UVRAG: variants seen among roughly 807,000 people sequenced by gnomAD.
UVRAG encodes UV radiation resistance associated.
UVRAG carries 19 observed loss-of-function variants against 78.0 expected under a neutral mutation model. The ratio of observed to expected loss-of-function variants is 0.24; its 90% confidence interval spans 0.17 to 0.36. UVRAG has a LOEUF of 0.36. UVRAG is among the 10% of genes least tolerant of loss of function. The pLI is 1.00. For synonymous variants in UVRAG, 323 were observed against 324.6 expected (o/e 1.00, Z 0.05); for missense variants, 740 against 853.8 (o/e 0.87, Z 1.66).
At chr11:75,995,493 G>T (rs1591108850) in intron 8 of UVRAG, among the ~76,000 whole-genome samples, 8 of 119,678 alleles carry the variant, frequency 6.7e-5, no homozygotes, top group Admixed American at 8.2e-5. Context: ...GTTTCTTATT[G>T]TCATTTTGAA....
chr11:76,132,531 T>G (rs1479759797), intron 14 of UVRAG, among the ~76,000 whole-genome samples: 1 of 152,102 alleles, frequency 6.6e-6, no homozygotes, highest in East Asian at 1.9e-4. Flanking sequence ...CAAGTACAAG[T>G]GAATCTGAAA....
intron 14 of UVRAG, among the ~76,000 whole-genome samples, chr11:76,136,922 TAAC>T (rs1952607327): frequency 6.6e-6 from 1 of 152,240 alleles, no homozygotes; most frequent in African/African-American, 2.4e-5. Context: ...TTTATATAGT[TAAC>T]ATAGTTTTAG....
At chr11:75,842,006 C>A (rs542259642) in intron 1 of UVRAG, among the ~76,000 whole-genome samples, 10 of 152,328 alleles carry the variant, frequency 6.6e-5, no homozygotes, top group Admixed American at 3.9e-4. Context: ...TGGTCACTTA[C>A]ATGTCTGGCT....
At chr11:76,019,866 C>G (rs1195199583) in intron 12 of UVRAG, among the ~76,000 whole-genome samples, 1 of 152,126 alleles carries the variant, frequency 6.6e-6, no homozygotes. Context: ...CCCTGTGGCT[C>G]TACAATTAGC....
chr11:76,020,484 A>G (rs1052811672), intron 12 of UVRAG, among the ~76,000 whole-genome samples: 1 of 151,902 alleles, frequency 6.6e-6, no homozygotes, highest in African/African-American at 2.4e-5. Context: ...CTTTTAAGGC[A>G]ACACATTCCC....
At chr11:75,900,599 C>T (rs553347180) in intron 5 of UVRAG, among the ~76,000 whole-genome samples, 1 of 152,172 alleles carries the variant, frequency 6.6e-6, no homozygotes, top group African/African-American at 2.4e-5. Flanking sequence ...ACTAGGATCA[C>T]GTTGTTCCCA....
intron 1 of UVRAG, among the ~76,000 whole-genome samples, chr11:75,840,149 A>T (rs1945879396): frequency 6.6e-6 from 1 of 151,456 alleles, no homozygotes; most frequent in South Asian, 2.1e-4. Flanking sequence ...CTTTTTTTTT[A>T]AATTTTGATC....
chr11:75,924,670 G>A (rs1948054928), intron 6 of UVRAG, among the ~76,000 whole-genome samples: 1 of 152,094 alleles, frequency 6.6e-6, no homozygotes, highest in African/African-American at 2.4e-5. Flanking sequence ...TTACAGGCGG[G>A]AGCCACCGTG....
At chr11:76,083,510 G>A (rs1279435168) in intron 13 of UVRAG, among the ~76,000 whole-genome samples, 1 of 152,128 alleles carries the variant, frequency 6.6e-6, no homozygotes, top group Non-Finnish European at 1.5e-5. Context: ...TGGGGCATTT[G>A]CCACTTATAG....
At chr11:76,121,197 G>T (rs1952267679) in intron 14 of UVRAG, among the ~76,000 whole-genome samples, 1 of 152,180 alleles carries the variant, frequency 6.6e-6, no homozygotes, top group Admixed American at 6.5e-5. Context: ...ATATGAGAAT[G>T]ATCGACCTGA....
chr11:75,886,393 G>A (rs778558318), intron 4 of UVRAG, among the ~76,000 whole-genome samples: 6 of 152,096 alleles, frequency 3.9e-5, no homozygotes, highest in Admixed American at 2.6e-4. Context: ...AAAATTACAC[G>A]TAATTCTTCT....
intron 1 of UVRAG, among the ~76,000 whole-genome samples, chr11:75,825,702 C>A (rs557794455): frequency 6.6e-6 from 1 of 152,214 alleles, no homozygotes; most frequent in South Asian, 2.1e-4. Context: ...TTTATTCTTG[C>A]CCTGGAGTAT....
intron 7 of UVRAG, among the ~76,000 whole-genome samples, chr11:75,982,674 G>A (rs915200777): frequency 6.6e-6 from 1 of 152,178 alleles, no homozygotes; most frequent in African/African-American, 2.4e-5. Context: ...GAGCACCTCG[G>A]TTTGGTTTGG....
chr11:76,097,356 C>G (rs1951803471), intron 13 of UVRAG, among the ~76,000 whole-genome samples: 1 of 152,180 alleles, frequency 6.6e-6, no homozygotes, highest in Non-Finnish European at 1.5e-5. Flanking sequence ...CTCACGTTCT[C>G]TCGTGCTTCT....
At chr11:76,109,532 G>A (rs568424920) in intron 13 of UVRAG, among the ~76,000 whole-genome samples, 3 of 152,142 alleles carry the variant, frequency 2.0e-5, no homozygotes, top group African/African-American at 7.2e-5. Context: ...TATAGACAAG[G>A]CATAGATTGG....
At chr11:76,091,274 G>A (rs949274565) in intron 13 of UVRAG, among the ~76,000 whole-genome samples, 1 of 151,918 alleles carries the variant, frequency 6.6e-6, no homozygotes, top group Non-Finnish European at 1.5e-5. Flanking sequence ...TACTTATTTT[G>A]CTTTGCCTTG....
chr11:76,087,805 G>A (rs141444944), intron 13 of UVRAG, among the ~76,000 whole-genome samples: 290 of 152,320 alleles, frequency 1.9e-3, no homozygotes, highest in African/African-American at 6.4e-3. Context: ...GGGCCTGATT[G>A]TCAGGACTAT....
rs771010269 is a variant in UVRAG, at chr11:76,141,973, C to T, written c.*560C>T. 2.4e-4 allele frequency: 37 copies of T among 154,022 alleles called. No individual in the cohort carries two copies. The highest frequency in any genetic ancestry group is 1.4e-4 in the Non-Finnish European group (10 of 69,376). The allele number at this position is 154,022 out of a possible 1,614,324, so 9.5% of individuals were successfully genotyped here. A position where few individuals can be genotyped will look rare whatever the true frequency, so the allele number is the denominator to read the frequency against. ...CCGGGTACCACAGTCCACCTTTAGA[C>T]CCTACTGTCGCCCCATCTTCTCCGT... On this transcript the variant is annotated 3_prime_UTR_variant, in exon 15 of 15. Coordinates refer to ENST00000356136, the MANE Select transcript of UVRAG (RefSeq NM_003369.4).
intron 12 of UVRAG, among the ~76,000 whole-genome samples, chr11:76,019,962 T>C (rs532402348): frequency 2.5e-4 from 38 of 152,214 alleles, no homozygotes; most frequent in African/African-American, 8.9e-4. Context: ...AGATGCTGTT[T>C]AGGAGGCAAA....
Sources: gnomAD v4.1 joint callset for allele counts (sites outside exome capture counted in the v4.1 genomes callset) on GRCh38, gnomAD v4.1.1 for gene constraint, MANE v1.5 for transcripts, NCBI Gene and HGNC (gene_info 2026-07-23, HGNC 2026-07-21) for gene names.